DAGLB: variants seen among roughly 807,000 people sequenced by gnomAD.
DAGLB encodes diacylglycerol lipase-beta.
Under a neutral mutation model 72.1 loss-of-function variants are expected in DAGLB, and 66 were observed. The observed-to-expected ratio is 0.92, with a 90% CI of 0.75 to 1.12. The LOEUF (loss-of-function observed/expected upper bound fraction) is 1.12. Ranked by LOEUF, DAGLB falls within the 50% of genes most tolerant of loss-of-function variation. The pLI is 0.00. For synonymous variants in DAGLB, 414 were observed against 359.5 expected, an observed-to-expected ratio of 1.15 and a Z score of -1.71; for missense variants, 1,065 against 884.9, an observed-to-expected ratio of 1.20 and a Z score of -2.58.
At chr7:6,421,234 T>G (rs1220640519) in intron 9 of DAGLB, among the ~76,000 whole-genome samples, 1 of 152,216 alleles carries the variant, frequency 6.6e-6, no homozygotes, top group Non-Finnish European at 1.5e-5. Flanking sequence ...GGCAAGGCAC[T>G]CGCTCTCTCT....
rs777350065 is a variant in DAGLB, at chr7:6,413,054, G to C, written c.1428-20C>G. On this transcript the variant is annotated intron_variant, in intron 11 of 14. Coordinates refer to ENST00000297056, the MANE Select transcript of DAGLB (RefSeq NM_139179.4). ...GCTTTGCTGAAATTCCAAACAGAGA[G>C]AGGATGTTAGCTTTACGATGACACT... The C allele has an allele frequency of 7.3e-5, 118 of 1,610,424 alleles. No individual in the cohort carries two copies. Among genetic ancestry groups the C allele is most frequent in the East Asian group, 1.6e-4 (7 of 44,778 alleles).
Position 6,409,598 on chromosome 7 carries a change from G to C in DAGLB, c.*239C>G, listed in dbSNP as rs836560. On this transcript the variant is annotated 3_prime_UTR_variant, in exon 15 of 15. Transcript: ENST00000297056. ...CAGGGCTTCCCGAGGCTGTCTCCAC[G>C]GTCGCTGGGTCTCAGGAGTCGTCCT... The C allele has an allele frequency of 1.8e-6, 1 of 557,678 alleles. No individual in the cohort carries two copies. The highest frequency in any genetic ancestry group is 3.2e-6 in the Non-Finnish European group (1 of 314,808). 34.5% of individuals were successfully genotyped at this position (557,678 alleles called of 1,614,324 possible). A position where few individuals can be genotyped will look rare whatever the true frequency, so the allele number is the denominator to read the frequency against.
chr7:6,416,918 T>C lies in DAGLB; in HGVS notation c.1222A>G (p.Ile408Val), dbSNP rs368078999. 3.9e-5 allele frequency: 63 copies of C among 1,613,958 alleles called. No homozygotes were observed. The African/African-American group carries it at 6.9e-4, about 18-fold the overall frequency. ...TAAACGTATCTGGCAGCTTGAGAAA[T>C]ACCCTAAAAACACAGACAAAGAAGG... ...EVQDRLAHKG[I>V]SQAARYVYQR... Residue 408 changes from isoleucine to valine, a missense_variant, in exon 10 of 15, where the codon ATT becomes GTT. By Grantham distance (29) the Ile-to-Val change is conservative. Coordinates refer to ENST00000297056, the MANE Select transcript of DAGLB (RefSeq NM_139179.4).
intron 9 of DAGLB, among the ~76,000 whole-genome samples, chr7:6,418,784 C>T (rs969281746): frequency 6.6e-6 from 1 of 152,094 alleles, no homozygotes; most frequent in Non-Finnish European, 1.5e-5. Flanking sequence ...CCTGCCTCAG[C>T]CTCCTGACTA....
At chr7:6,411,514 C>G (rs1783728564) in intron 13 of DAGLB, among the ~76,000 whole-genome samples, 1 of 152,196 alleles carries the variant, frequency 6.6e-6, no homozygotes, top group African/African-American at 2.4e-5. Flanking sequence ...GTAGCCCCAG[C>G]TACTCAGGAG....
intron 11 of DAGLB, among the ~76,000 whole-genome samples, chr7:6,413,278 G>A (rs545831721): frequency 2.0e-5 from 3 of 152,272 alleles, no homozygotes; most frequent in South Asian, 4.1e-4. Context: ...ACACCAAGGC[G>A]GACCAAGCAC....
chr7:6,430,250 C>CATATACATATATATATAT (rs1491373912), intron 6 of DAGLB, among the ~76,000 whole-genome samples: 28 of 45,750 alleles, frequency 6.1e-4, no homozygotes, highest in African/African-American at 2.9e-3. Context: ...AATACATGTG[C>CATATACATATATATATAT]ATATATATAT....
chr7:6,425,846 C>T lies in DAGLB; in HGVS notation c.1056+142G>A, dbSNP rs976243670. 9 of 1,371,714 alleles carry T rather than the reference C, an allele frequency of 6.6e-6. No individual in the cohort carries two copies. The Admixed American group carries it at 9.9e-5, about 15-fold the overall frequency. 85.0% of individuals were successfully genotyped at this position (1,371,714 alleles called of 1,614,324 possible). Reference sequence around the variant, plus strand: ...GTGTGGCTCCCCCAGAGTCTGTGGCCCCTCTGAAATAGTACACAGGACTTA... The same window carrying T: ...GTGTGGCTCCCCCAGAGTCTGTGGCTCCTCTGAAATAGTACACAGGACTTA... On this transcript the variant is annotated intron_variant, in intron 7 of 14. Transcript: ENST00000297056.
intron 2 of DAGLB, among the ~76,000 whole-genome samples, chr7:6,440,566 C>A (rs1467824767): frequency 6.6e-6 from 1 of 151,968 alleles, no homozygotes; most frequent in African/African-American, 2.4e-5. Flanking sequence ...TGACAGGCTA[C>A]TGGGACTTGA....
At chr7:6,430,784 A>AT (rs780854000) in intron 5 of DAGLB, among the ~76,000 whole-genome samples, 177 bp from the exon 6 acceptor site, 2,407 of 141,250 alleles carry the variant, frequency 0.017, 35 homozygotes, top group African/African-American at 0.05. Context: ...TGGACTCCTC[A>AT]TTTTTTTTTT....
intron 4 of DAGLB, among the ~76,000 whole-genome samples, chr7:6,433,949 C>T (rs1369026123): frequency 6.6e-6 from 1 of 152,070 alleles, no homozygotes; most frequent in African/African-American, 2.4e-5. Flanking sequence ...AAATAACCAG[C>T]TTCTCTTCTT....
intron 2 of DAGLB, among the ~76,000 whole-genome samples, chr7:6,444,333 G>A (rs1784929253): frequency 6.6e-6 from 1 of 152,178 alleles, no homozygotes; most frequent in African/African-American, 2.4e-5. Flanking sequence ...CAGGCGCGGT[G>A]ACTCACACTT....
At chr7:6,412,645 G>T in intron 13 of DAGLB, 166 bp downstream of exon 13, 1 of 748,468 alleles carries the variant, frequency 1.3e-6, no homozygotes, top group Non-Finnish European at 2.2e-6. Context: ...TGCTTTCTTA[G>T]ACATCACAGA....
In DAGLB at chr7:6,413,046, A is replaced by G. The variant is rs1783784309; in HGVS notation, c.1428-12T>C. The stretch of plus-strand genomic sequence containing the variant: ...CCTGCAGAGCTTTGCTGAAATTCCA[A>G]ACAGAGAGAGGATGTTAGCTTTACG... On this transcript the variant is annotated splice_polypyrimidine_tract_variant and intron_variant, in intron 11 of 14. Coordinates refer to ENST00000297056, the MANE Select transcript of DAGLB (RefSeq NM_139179.4). 2 of 1,611,016 alleles carry G rather than the reference A, an allele frequency of 1.2e-6. No homozygotes were observed. Among genetic ancestry groups the G allele is most frequent in the Non-Finnish European group, 8.5e-7 (1 of 1,177,820 alleles).
At chr7:6,417,262 T>TAA (rs59619113) in intron 9 of DAGLB, 2,519 of 159,810 alleles carry the variant, frequency 0.016, 61 homozygotes, top group African/African-American at 0.056. Context: ...CTGACTCTAC[T>TAA]AAAAAAAAAA....
intron 2 of DAGLB, among the ~76,000 whole-genome samples, chr7:6,437,081 G>A (rs944112989): frequency 6.6e-6 from 1 of 151,534 alleles, no homozygotes; most frequent in African/African-American, 2.4e-5. Flanking sequence ...TTGAACCCAG[G>A]AGGCGGAGGT....
intron 4 of DAGLB, among the ~76,000 whole-genome samples, chr7:6,434,015 G>A (rs1445588601): frequency 1.3e-5 from 2 of 152,072 alleles, no homozygotes; most frequent in African/African-American, 2.4e-5. Context: ...TTACTGAGGG[G>A]ACACGCTTCC....
intron 3 of DAGLB, among the ~76,000 whole-genome samples, chr7:6,435,669 C>T (rs1784632065): frequency 1.3e-5 from 2 of 152,120 alleles, no homozygotes; most frequent in Non-Finnish European, 2.9e-5. Context: ...CCCTTCGGTG[C>T]CTCAGGGCTC....
chr7:6,433,845 T>A lies in DAGLB; in HGVS notation c.679-886A>T, dbSNP rs548523146. Among the ~76,000 whole-genome samples the A allele has an allele frequency of 4.5e-5, 5 of 110,810 alleles. No homozygotes were observed. The South Asian group carries it at 1.6e-3, about 36-fold the overall frequency. 72.7% of individuals were successfully genotyped at this position (110,810 alleles called of 152,430 possible). A position where few individuals can be genotyped will look rare whatever the true frequency, so the allele number is the denominator to read the frequency against. On this transcript the variant is annotated intron_variant, in intron 4 of 14. Transcript: ENST00000297056. The stretch of plus-strand genomic sequence containing the variant: ...CCAGCCCGGGTGACAAAACGAGACC[T>A]TGTCTCAAAAAAAAAAAAAAAAAGA...
Sources: gnomAD v4.1 joint callset for allele counts (sites outside exome capture counted in the v4.1 genomes callset) on GRCh38, gnomAD v4.1.1 for gene constraint, MANE v1.5 for transcripts, NCBI Gene and HGNC (gene_info 2026-07-23, HGNC 2026-07-21) for gene names.